Variants in ADAMTS6 observed in about 807,000 individuals in gnomAD.
ADAMTS6 encodes A disintegrin and metalloproteinase with thrombospondin motifs 6.
Under a neutral mutation model 144.3 loss-of-function variants are expected in ADAMTS6, and 23 were observed. That is an observed-to-expected ratio of 0.16 (90% CI 0.11 to 0.23). The LOEUF (loss-of-function observed/expected upper bound fraction) is 0.23. Among genes scored for constraint, ADAMTS6 ranks in the 10% least tolerant of loss-of-function variants. ADAMTS6 has a pLI of 1.00. For missense variants in ADAMTS6, 999 were observed against 1,379.6 expected (o/e 0.72, Z 4.37); for synonymous variants, 444 against 457.5 (o/e 0.97, Z 0.38).
intron 14 of ADAMTS6, among the ~76,000 whole-genome samples, chr5:65,252,349 C>T (rs917394550): frequency 6.6e-6 from 1 of 150,956 alleles, no homozygotes; most frequent in Non-Finnish European, 1.5e-5. Context: ...GAGTCGCGCT[C>T]TGTTGCCTCA....
At chr5:65,274,235 G>A (rs992789638) in intron 11 of ADAMTS6, among the ~76,000 whole-genome samples, 1 of 151,832 alleles carries the variant, frequency 6.6e-6, no homozygotes, top group East Asian at 1.9e-4. Flanking sequence ...AAAATAAGCC[G>A]TTCAATATTA....
intron 7 of ADAMTS6, among the ~76,000 whole-genome samples, chr5:65,381,529 A>ATTTTTTTT (rs748143650): frequency 9.7e-6 from 1 of 103,086 alleles, no homozygotes; most frequent in African/African-American, 3.7e-5. Flanking sequence ...TGCCTGGCTA[A>ATTTTTTTT]TTTTTTTTTT....
chr5:65,393,264 T>A (rs1753072756), intron 7 of ADAMTS6, among the ~76,000 whole-genome samples: 1 of 152,208 alleles, frequency 6.6e-6, no homozygotes, highest in Non-Finnish European at 1.5e-5. Context: ...AGGAAAAATG[T>A]CATTGCAAAC....
At chr5:65,305,732 A>AC (rs1226043256) in intron 9 of ADAMTS6, among the ~76,000 whole-genome samples, 1 of 152,144 alleles carries the variant, frequency 6.6e-6, no homozygotes, top group East Asian at 1.9e-4. Flanking sequence ...AGGAACACGA[A>AC]CACAGAGACA....
chr5:65,402,830 T>A (rs2150167083), intron 7 of ADAMTS6, among the ~76,000 whole-genome samples: 1 of 152,156 alleles, frequency 6.6e-6, no homozygotes, highest in Middle Eastern at 3.4e-3. Flanking sequence ...CAATATATGA[T>A]CCTAAAAAGC....
chr5:65,454,278 C>A (rs1759007191), intron 4 of ADAMTS6, among the ~76,000 whole-genome samples: 1 of 152,162 alleles, frequency 6.6e-6, no homozygotes, highest in Non-Finnish European at 1.5e-5. Flanking sequence ...TCTGTTACAG[C>A]AGCAAGAAAT....
chr5:65,319,399 G>T (rs891879048), intron 9 of ADAMTS6, among the ~76,000 whole-genome samples: 2 of 151,206 alleles, frequency 1.3e-5, no homozygotes, highest in East Asian at 3.9e-4. Flanking sequence ...GAGCAAACAG[G>T]CTAGGTGTGG....
At position 65,275,411 on chromosome 5, in the gene ADAMTS6, GAA is replaced by G. The variant is rs1404185138; in HGVS notation, c.1513-1966_1513-1965del. 5.6e-5 allele frequency among the ~76,000 whole-genome samples: 7 copies of G among 125,958 alleles called. No homozygotes were observed. The South Asian group carries it at 1.0e-3, about 19-fold the overall frequency. 82.6% of individuals were successfully genotyped at this position (125,958 alleles called of 152,430 possible). On this transcript the variant is annotated intron_variant, in intron 11 of 24. Coordinates refer to ENST00000381055, the MANE Select transcript of ADAMTS6 (RefSeq NM_197941.4). ...AGAAAGAAAGAAAGAAAGAAAGAAAGAAAGAAAAGAAAGAAAGAAAGAAAAGA... is the reference window on the plus strand; with the variant it reads ...AGAAAGAAAGAAAGAAAGAAAGAAAGAGAAAAGAAAGAAAGAAAGAAAAGA...
intron 7 of ADAMTS6, among the ~76,000 whole-genome samples, chr5:65,420,570 G>A (rs1344337872): frequency 5.3e-5 from 8 of 152,054 alleles, no homozygotes; most frequent in African/African-American, 1.7e-4. Context: ...TAGTAGAGAC[G>A]TGGTTTCTCC....
At chr5:65,364,347 T>C (rs1005015006) in intron 7 of ADAMTS6, among the ~76,000 whole-genome samples, 1 of 152,116 alleles carries the variant, frequency 6.6e-6, no homozygotes, top group Non-Finnish European at 1.5e-5. Context: ...AAGAGCTCAA[T>C]CTTCAGAGCT....
chr5:65,305,383 G>A (rs1374793995), intron 9 of ADAMTS6, among the ~76,000 whole-genome samples: 2 of 152,150 alleles, frequency 1.3e-5, no homozygotes, highest in Non-Finnish European at 2.9e-5. Flanking sequence ...GTCTATGAGA[G>A]GGGATAAGTG....
chr5:65,201,384 G>A (rs1183915119), intron 20 of ADAMTS6, among the ~76,000 whole-genome samples: 2 of 152,086 alleles, frequency 1.3e-5, no homozygotes, highest in Non-Finnish European at 2.9e-5. Context: ...TTGTAACATA[G>A]TATTTGGCAA....
intron 7 of ADAMTS6, 144 bp from the exon 8 acceptor site, chr5:65,334,229 A>C: frequency 1.1e-6 from 1 of 891,324 alleles, no homozygotes; most frequent in East Asian, 3.1e-5. Context: ...CATTTTCAGC[A>C]CTCTACAGTG....
intron 3 of ADAMTS6, among the ~76,000 whole-genome samples, chr5:65,465,446 C>T (rs1267688919): frequency 1.0e-5 from 1 of 95,656 alleles, no homozygotes; most frequent in Non-Finnish European, 2.1e-5. Flanking sequence ...GCACCCCTCA[C>T]TCTACCTAAT....
At chr5:65,168,566 C>A (rs1439048788) in intron 24 of ADAMTS6, among the ~76,000 whole-genome samples, 1 of 124,416 alleles carries the variant, frequency 8.0e-6, no homozygotes, top group Admixed American at 8.5e-5. Context: ...AAAAAGAGCC[C>A]GCATCGCCAA....
rs1034516169 is a variant in ADAMTS6, at chr5:65,255,754, A to G, written c.1830+4846T>C. ...TTGCTAATTTTTAAATGATTAAAAA[A>G]AAAATCTTACTGAGCAATTAAAAAA... On this transcript the variant is annotated intron_variant, in intron 14 of 24. Transcript: ENST00000381055. Among the ~76,000 whole-genome samples the G allele has an allele frequency of 2.0e-5, 3 of 152,314 alleles. No homozygotes were observed. The East Asian group carries it at 5.8e-4, about 29-fold the overall frequency.
At chr5:65,407,559 A>C (rs1754654065) in intron 7 of ADAMTS6, among the ~76,000 whole-genome samples, 1 of 135,188 alleles carries the variant, frequency 7.4e-6, no homozygotes, top group Non-Finnish European at 1.5e-5. Flanking sequence ...TCATTGTCCA[A>C]TTCCCACCTA....
intron 10 of ADAMTS6, among the ~76,000 whole-genome samples, chr5:65,294,992 C>T (rs893593397): frequency 3.3e-5 from 5 of 152,040 alleles, no homozygotes; most frequent in African/African-American, 1.2e-4. Flanking sequence ...TATTCTTTTG[C>T]TCAACATTGT....
At chr5:65,421,786 C>A (rs973727367) in intron 7 of ADAMTS6, among the ~76,000 whole-genome samples, 12 of 152,128 alleles carry the variant, frequency 7.9e-5, no homozygotes, top group Non-Finnish European at 1.8e-4. Context: ...GGATCCATAT[C>A]TCTCACTACA....
Sources: allele counts gnomAD v4.1 joint callset (sites outside exome capture counted in the v4.1 genomes callset), GRCh38; gene constraint gnomAD v4.1.1; transcripts MANE v1.5; gene names NCBI Gene and HGNC (gene_info 2026-07-23, HGNC 2026-07-21).